Variants in KIFC3 observed in about 807,000 individuals in gnomAD.
KIFC3 encodes the protein kinesin-like protein KIFC3.
KIFC3 carries 60 observed loss-of-function variants against 101.8 expected under a neutral mutation model. The ratio of observed to expected loss-of-function variants is 0.59; its 90% CI spans 0.48 to 0.73. The LOEUF (loss-of-function observed/expected upper bound fraction) is 0.73. KIFC3 is among the 30% of genes least tolerant of loss of function. The pLI is 0.00. For synonymous variants in KIFC3, 476 were observed against 482.7 expected, an observed-to-expected ratio of 0.99 and a Z score of 0.18; for missense variants, 966 against 1,137.1, an observed-to-expected ratio of 0.85 and a Z score of 2.16.
chr16:57,808,759 T>C (rs1555627397), intron 1 of KIFC3, among the ~76,000 whole-genome samples: 1 of 152,202 alleles, frequency 6.6e-6, no homozygotes, highest in East Asian at 1.9e-4. Flanking sequence ...CAGGCAGACC[T>C]GGGTTTGAGC....
chr16:57,796,363 C>G (rs1274810223), intron 2 of KIFC3, among the ~76,000 whole-genome samples: 5 of 152,242 alleles, frequency 3.3e-5, no homozygotes, highest in Admixed American at 3.3e-4. Context: ...ATCAGCTCCT[C>G]AAAACTCCCC....
intron 1 of KIFC3, among the ~76,000 whole-genome samples, chr16:57,828,372 C>G (rs993564674): frequency 2.0e-5 from 3 of 152,248 alleles, no homozygotes; most frequent in Non-Finnish European, 4.4e-5. Flanking sequence ...CATTGAAACC[C>G]AGGCCCTCTC....
intron 1 of KIFC3, among the ~76,000 whole-genome samples, chr16:57,812,443 TC>T (rs1322332293): frequency 6.6e-6 from 1 of 151,006 alleles, no homozygotes; most frequent in African/African-American, 2.4e-5. Context: ...TCTGCAATCA[TC>T]CCCCTCTAAG....
intron 1 of KIFC3, among the ~76,000 whole-genome samples, chr16:57,851,570 C>CTTTTTTTTTTTTTT (rs11376679): frequency 6.9e-6 from 1 of 144,114 alleles, no homozygotes. Context: ...TTCGTTCATT[C>CTTTTTTTTTTTTTT]TTTTTTTTTT....
At chr16:57,802,596 C>A (rs2054814391), upstream of KIFC3, 1 of 1,007,842 alleles carries the variant, frequency 9.9e-7, no homozygotes, top group African/African-American at 1.7e-5. This position sits in a 1 kb window ranked among gnomAD's most constrained non-coding sequence, Gnocchi z 5.0. Flanking sequence ...CGCACTCACG[C>A]GCACTGGCGC....
At chr16:57,816,736 C>T (rs559199304) in intron 1 of KIFC3, 17 of 456,650 alleles carry the variant, frequency 3.7e-5, no homozygotes, top group African/African-American at 1.6e-4. Context: ...CTCAGGGATC[C>T]GTGGAAGTCA....
Position 57,764,257 on chromosome 16 carries a change from TGGTG to T in KIFC3, c.1513-14_1513-11del. ...GCACCTCCTGGAACACCTGGGAGGG[TGGTG>T]GGAGGGAGGCTGGTGGGGGGGCTTC... On this transcript the variant is annotated splice_polypyrimidine_tract_variant and intron_variant, in intron 11 of 19. Transcript: ENST00000445690. 1 of 635,688 alleles carries T rather than the reference TGGTG, an allele frequency of 1.6e-6. No individual in the cohort carries two copies. Among genetic ancestry groups the T allele is most frequent in the Non-Finnish European group, 2.8e-6 (1 of 355,260 alleles). The allele number at this position is 635,688 out of a possible 1,614,324, so 39.4% of individuals were successfully genotyped here.
At chr16:57,785,054 T>TGACC (rs1598069310) in intron 3 of KIFC3, among the ~76,000 whole-genome samples, 1 of 152,146 alleles carries the variant, frequency 6.6e-6, no homozygotes, top group East Asian at 1.9e-4. Context: ...TCCTGTGGGG[T>TGACC]GACCATCTGA....
chr16:57,809,340 G>A (rs2149255655), intron 1 of KIFC3, among the ~76,000 whole-genome samples: 1 of 152,258 alleles, frequency 6.6e-6, no homozygotes, highest in East Asian at 1.9e-4. Context: ...CTCTCACCCA[G>A]GCTGGAGTGA....
chr16:57,816,833 T>G (rs1415629626), intron 1 of KIFC3: 7 of 443,056 alleles, frequency 1.6e-5, no homozygotes, highest in Admixed American at 4.9e-5. Flanking sequence ...CCAGTAAGAC[T>G]TGAGGCCAGG....
chr16:57,860,057 T>TAAAATA lies in KIFC3; in HGVS notation c.108+2666_108+2671dup, dbSNP rs2056267086. ...TAAAATAAAATAAAATAAAATAAAATAAAATAAAATAAAATAAAATAAAAT... is the reference window on the plus strand; with the variant it reads ...TAAAATAAAATAAAATAAAATAAAATAAAATAAAAATAAAATAAAATAAAATAAAAT... On this transcript the variant is annotated intron_variant, in intron 1 of 2. Transcript: ENST00000563028. Among the ~76,000 whole-genome samples the TAAAATA allele has an allele frequency of 1.6e-5, 2 of 127,664 alleles. 1 individual carries two copies. The highest frequency in any genetic ancestry group is 4.8e-4 in the East Asian group (2 of 4,194). The allele number at this position is 127,664 out of a possible 152,430, so 83.8% of individuals were successfully genotyped here. A position where few individuals can be genotyped will look rare whatever the true frequency, so the allele number is the denominator to read the frequency against.
intron 2 of KIFC3, chr16:57,797,717 C>G: frequency 8.5e-7 from 1 of 1,174,752 alleles, no homozygotes; most frequent in South Asian, 2.0e-5. Context: ...TGTTTACCAG[C>G]CTGGGCAGAG....
At chr16:57,848,310 CAGAA>C (rs1474157917) in intron 1 of KIFC3, among the ~76,000 whole-genome samples, 1 of 152,132 alleles carries the variant, frequency 6.6e-6, no homozygotes, top group Non-Finnish European at 1.5e-5. Flanking sequence ...AAGGACCACA[CAGAA>C]AGCCGAAATT....
intron 1 of KIFC3, among the ~76,000 whole-genome samples, chr16:57,812,956 T>C (rs962750778): frequency 6.6e-6 from 1 of 152,140 alleles, no homozygotes; most frequent in Admixed American, 6.5e-5. Flanking sequence ...GTGCAAGGGA[T>C]CCATCACGAG....
chr16:57,813,772 G>A (rs2055150858), intron 1 of KIFC3: 1 of 985,336 alleles, frequency 1.0e-6, no homozygotes, highest in Non-Finnish European at 1.2e-6. Context: ...TGCCTTCAGA[G>A]GGAAGAGAAC....
At chr16:57,803,351 C>T, upstream of KIFC3, 1 of 644,154 alleles carries the variant, frequency 1.6e-6, no homozygotes, top group Non-Finnish European at 2.9e-6. Context: ...CATTTTATTC[C>T]AGAGCCAGCA....
At chr16:57,774,435 C>G (rs2051735504) in intron 3 of KIFC3, among the ~76,000 whole-genome samples, 1 of 152,124 alleles carries the variant, frequency 6.6e-6, no homozygotes, top group African/African-American at 2.4e-5. Context: ...CAAGAAACAT[C>G]TGAAAAACCA....
intron 1 of KIFC3, among the ~76,000 whole-genome samples, chr16:57,862,478 T>C (rs1291792196): frequency 6.6e-6 from 1 of 152,208 alleles, no homozygotes; most frequent in African/African-American, 2.4e-5. Context: ...ATTACTATAC[T>C]GCCATTAAGT....
At chr16:57,850,442 A>C (rs1270925766) in intron 1 of KIFC3, among the ~76,000 whole-genome samples, 2 of 149,478 alleles carry the variant, frequency 1.3e-5, no homozygotes. Flanking sequence ...AATAATAATA[A>C]ATAAAAATAA....
Sources: allele counts gnomAD v4.1 joint callset (sites outside exome capture counted in the v4.1 genomes callset), GRCh38; gene constraint gnomAD v4.1.1; non-coding constraint Gnocchi (gnomAD v3.1); transcripts MANE v1.5; gene names NCBI Gene and HGNC (gene_info 2026-07-23, HGNC 2026-07-21).